POU6F2: variants seen among roughly 807,000 people sequenced by gnomAD.
POU6F2 encodes the protein POU class 6 homeobox 2, also known as POU domain, class 6, transcription factor 2.
Under a neutral mutation model 71.3 loss-of-function variants are expected in POU6F2, and 31 were observed. That is an observed-to-expected ratio of 0.43 (90% CI 0.33 to 0.59). The LOEUF is 0.59. POU6F2 is among the 20% of genes least tolerant of loss of function. The probability of loss-of-function intolerance (pLI) is 0.04; values close to 1 mark genes in which losing one functional copy is unlikely to be tolerated. For missense variants in POU6F2, 783 were observed against 856.8 expected, an observed-to-expected ratio of 0.91 and a Z score of 1.07; for synonymous variants, 347 against 355.7, an observed-to-expected ratio of 0.98 and a Z score of 0.27.
At chr7:39,212,484 T>G (rs889251548) in intron 4 of POU6F2, among the ~76,000 whole-genome samples, 1 of 152,132 alleles carries the variant, frequency 6.6e-6, no homozygotes, top group Non-Finnish European at 1.5e-5. Context: ...CTCAAAGCCC[T>G]GTGTCCCTAT....
intron 6 of POU6F2, among the ~76,000 whole-genome samples, chr7:39,430,215 GT>G (rs1227027802): frequency 2.0e-5 from 3 of 152,200 alleles, no homozygotes; most frequent in Admixed American, 6.5e-5. Flanking sequence ...GCACTACTGA[GT>G]TTTTGACACG....
chr7:39,074,012 TAG>T (rs1041146138), intron 1 of POU6F2, among the ~76,000 whole-genome samples: 2 of 152,338 alleles, frequency 1.3e-5, no homozygotes, highest in African/African-American at 4.8e-5. Context: ...TTAGGATTTA[TAG>T]AGTTTCCTTC....
chr7:39,009,757 T>G (rs1015789085), intron 1 of POU6F2, among the ~76,000 whole-genome samples: 2 of 151,434 alleles, frequency 1.3e-5, no homozygotes, highest in Admixed American at 6.6e-5. Flanking sequence ...TGTCAAAGGC[T>G]TTTTCTGCAT....
chr7:39,083,061 C>T (rs1791160155), intron 1 of POU6F2, among the ~76,000 whole-genome samples: 1 of 152,092 alleles, frequency 6.6e-6, no homozygotes, highest in African/African-American at 2.4e-5. Context: ...ATGTTTTGCA[C>T]ACATCAGCCA....
intron 2 of POU6F2, among the ~76,000 whole-genome samples, chr7:39,150,012 A>T (rs1367481846): frequency 6.6e-6 from 1 of 151,644 alleles, no homozygotes; most frequent in Non-Finnish European, 1.5e-5. Flanking sequence ...CAGCCTCCCG[A>T]GTAGCTGGGA....
At chr7:39,420,117 A>G (rs940195796) in intron 6 of POU6F2, among the ~76,000 whole-genome samples, 1 of 152,212 alleles carries the variant, frequency 6.6e-6, no homozygotes, top group African/African-American at 2.4e-5. Flanking sequence ...ACCAAAAGGA[A>G]GGAACAAATA....
chr7:39,204,417 A>G, intron 3 of POU6F2, 91 bp downstream of exon 3: 1 of 1,068,350 alleles, frequency 9.4e-7, no homozygotes, highest in Non-Finnish European at 1.4e-6. Context: ...GTTAAATCCA[A>G]TTGACTCCAA....
At chr7:39,173,135 ATATCT>A (rs1793258696) in intron 2 of POU6F2, among the ~76,000 whole-genome samples, 1 of 152,220 alleles carries the variant, frequency 6.6e-6, no homozygotes, top group Non-Finnish European at 1.5e-5. Context: ...TACTAATGAG[ATATCT>A]TATAAATCTT....
intron 8 of POU6F2, among the ~76,000 whole-genome samples, chr7:39,453,727 C>T (rs1290189855): frequency 2.0e-5 from 3 of 152,158 alleles, no homozygotes; most frequent in Admixed American, 6.5e-5. Context: ...ACTTTCATTG[C>T]ACAGTAGCCA....
At chr7:39,265,089 T>TA (rs922429073) in intron 4 of POU6F2, among the ~76,000 whole-genome samples, 29 of 152,152 alleles carry the variant, frequency 1.9e-4, no homozygotes, top group African/African-American at 7.0e-4. Context: ...TCAGAATGTA[T>TA]ACCTCAGGCA....
chr7:39,081,946 G>T (rs184286371), intron 1 of POU6F2, among the ~76,000 whole-genome samples: 5 of 152,294 alleles, frequency 3.3e-5, no homozygotes, highest in African/African-American at 1.2e-4. Context: ...TTAGCTGCGT[G>T]CCTTTGGGGC....
chr7:39,405,328 G>A (rs145902424), intron 5 of POU6F2, among the ~76,000 whole-genome samples: 3,293 of 152,264 alleles, frequency 0.022, 75 homozygotes, highest in Admixed American at 0.076. Flanking sequence ...TTGAAGGGAA[G>A]AAGGAAAAGA....
intron 2 of POU6F2, among the ~76,000 whole-genome samples, chr7:39,148,807 G>C (rs1386987057): frequency 6.6e-6 from 1 of 152,182 alleles, no homozygotes; most frequent in African/African-American, 2.4e-5. Context: ...TCTTACTCCA[G>C]AGATACTGCA....
intron 9 of POU6F2, among the ~76,000 whole-genome samples, chr7:39,463,906 G>A (rs1217922537): frequency 2.0e-5 from 3 of 152,240 alleles, no homozygotes; most frequent in Non-Finnish European, 4.4e-5. Flanking sequence ...GAAAAGGCCT[G>A]TGAGTTGTTT....
At chr7:39,291,015 G>GAAAAAAAAAAA (rs35704977) in intron 4 of POU6F2, among the ~76,000 whole-genome samples, 1 of 122,432 alleles carries the variant, frequency 8.2e-6, no homozygotes, top group Non-Finnish European at 1.7e-5. Flanking sequence ...AAAGAGGACA[G>GAAAAAAAAAAA]AAAAAAAAAA....
At chr7:39,305,241 A>G (rs1785028174) in intron 4 of POU6F2, among the ~76,000 whole-genome samples, 1 of 152,242 alleles carries the variant, frequency 6.6e-6, no homozygotes, top group Non-Finnish European at 1.5e-5. Flanking sequence ...TTACTCTTGA[A>G]GAAGCTAAGG....
Position 39,464,097 on chromosome 7 carries a change from G to A in POU6F2, c.1659-85G>A. 6.6e-7 allele frequency: 1 copy of A among 1,513,746 alleles called. No individual in the cohort carries two copies. The highest frequency in any genetic ancestry group is 8.9e-7 in the Non-Finnish European group (1 of 1,118,654). The allele number at this position is 1,513,746 out of a possible 1,614,324, so 93.8% of individuals were successfully genotyped here. A position where few individuals can be genotyped will look rare whatever the true frequency, so the allele number is the denominator to read the frequency against. On this transcript the variant is annotated intron_variant, in intron 9 of 9. Coordinates refer to ENST00000518318, the MANE Select transcript of POU6F2 (RefSeq NM_001370959.1). This position sits in a 1 kb window ranked among gnomAD's most constrained non-coding sequence, Gnocchi z 4.1. ...TATTAACCTGCAGTAAATTCGCCCT[G>A]CCAGGCAGTCAGGCAGGCAGGCAGG...
Position 39,204,253 on chromosome 7 carries a change from C to A in POU6F2, c.296C>A (p.Ala99Glu). ...SKLFGARGNP[A>E]LSDPGTPDQH... ...ATTCCAGGGGCTAGAGGAAACCCAG[C>A]ATTATCAGACCCAGGCACTCCTGAC... The change falls in exon 3 of 10, where the codon GCA (alanine) becomes GAA (glutamate). Residue 99 changes from alanine to glutamate, a missense_variant. By Grantham distance (107) the Ala-to-Glu change is moderately radical. Around this residue, in one of 2 missense-constraint regions of POU6F2, gnomAD observed 572 missense variants for 572.9 expected, o/e 1.00. Coordinates refer to ENST00000518318, the MANE Select transcript of POU6F2 (RefSeq NM_001370959.1). The A allele has an allele frequency of 3.1e-6, 5 of 1,613,800 alleles. No individual in the cohort carries two copies. Among genetic ancestry groups the A allele is most frequent in the Non-Finnish European group, 4.2e-6 (5 of 1,179,794 alleles).
chr7:39,052,307 T>G (rs1219201418), intron 1 of POU6F2, among the ~76,000 whole-genome samples: 1 of 152,126 alleles, frequency 6.6e-6, no homozygotes, highest in Non-Finnish European at 1.5e-5. Flanking sequence ...GGCCAGTGTA[T>G]TAGTCCGTTC....
Sources: gnomAD v4.1 joint callset for allele counts (sites outside exome capture counted in the v4.1 genomes callset) on GRCh38, gnomAD v4.1.1 for gene constraint, gnomAD v4.1.1 regional missense constraint, Gnocchi (gnomAD v3.1) non-coding constraint, MANE v1.5 for transcripts, NCBI Gene and HGNC (gene_info 2026-07-23, HGNC 2026-07-21) for gene names.